RIMS2: variants seen among roughly 807,000 people sequenced by gnomAD.
RIMS2 encodes the protein regulating synaptic membrane exocytosis protein 2.
A neutral mutation model predicts 174.4 loss-of-function variants in RIMS2; 59 were observed. The ratio of observed to expected loss-of-function variants is 0.34; its 90% CI spans 0.27 to 0.42. RIMS2 has a LOEUF of 0.42. Among genes scored for constraint, RIMS2 ranks in the 10% least tolerant of loss-of-function variants. The probability of loss-of-function intolerance (pLI) is 1.00; values close to 1 mark genes in which losing one functional copy is unlikely to be tolerated. For missense variants in RIMS2, 1,620 were observed against 1,666.3 expected (o/e 0.97, Z 0.48); for synonymous variants, 606 against 572.5 (o/e 1.06, Z -0.84).
At chr8:103,801,202 A>G (rs115218116) in intron 3 of RIMS2, among the ~76,000 whole-genome samples, 23,923 of 152,008 alleles carry the variant, frequency 0.16, 1,993 homozygotes, top group Middle Eastern at 0.25. Flanking sequence ...GCCCAGGCTG[A>G]TCATGAACTC....
chr8:104,136,914 T>G (rs1341630684), intron 19 of RIMS2, among the ~76,000 whole-genome samples: 1 of 152,162 alleles, frequency 6.6e-6, no homozygotes, highest in Non-Finnish European at 1.5e-5. Flanking sequence ...AGTTTACCTA[T>G]GTAACAACCT....
chr8:104,098,673 A>T (rs1185487822), intron 19 of RIMS2, among the ~76,000 whole-genome samples: 1 of 152,128 alleles, frequency 6.6e-6, no homozygotes, highest in African/African-American at 2.4e-5. Context: ...TTTCATGAAT[A>T]ACTGATTTTA....
At chr8:104,250,079 A>C (rs1411183934) in intron 22 of RIMS2, among the ~76,000 whole-genome samples, 1 of 152,238 alleles carries the variant, frequency 6.6e-6, no homozygotes, top group Non-Finnish European at 1.5e-5. Flanking sequence ...AAAGAGAGGC[A>C]CTATTATAAC....
chr8:104,114,178 A>T (rs1056620229), intron 19 of RIMS2, among the ~76,000 whole-genome samples: 5 of 152,028 alleles, frequency 3.3e-5, no homozygotes, highest in African/African-American at 1.2e-4. Flanking sequence ...TTTTACTGTT[A>T]TTTTAAAATT....
At chr8:104,234,998 A>G (rs116661616) in intron 19 of RIMS2, among the ~76,000 whole-genome samples, 1,786 of 152,210 alleles carry the variant, frequency 0.012, 35 homozygotes, top group African/African-American at 0.041. Flanking sequence ...ATGCATATGT[A>G]TATTGTAGGG....
intron 19 of RIMS2, among the ~76,000 whole-genome samples, chr8:104,202,899 T>C (rs1425601068): frequency 2.0e-5 from 3 of 152,208 alleles, no homozygotes; most frequent in African/African-American, 7.2e-5. Context: ...TAGGAATAAG[T>C]ATGGAATAAA....
At chr8:104,104,896 A>G (rs1405952336) in intron 19 of RIMS2, among the ~76,000 whole-genome samples, 1 of 151,088 alleles carries the variant, frequency 6.6e-6, no homozygotes, top group Non-Finnish European at 1.5e-5. Context: ...AAAAAAAAAA[A>G]GAGAGAACAT....
chr8:104,031,317 G>A (rs1009995872), intron 19 of RIMS2, among the ~76,000 whole-genome samples: 5 of 151,856 alleles, frequency 3.3e-5, no homozygotes, highest in Admixed American at 6.6e-5. Flanking sequence ...ACAAAGTTTA[G>A]TAAAATGCTT....
intron 2 of RIMS2, among the ~76,000 whole-genome samples, chr8:103,698,417 T>C (rs980398116): frequency 6.6e-6 from 1 of 152,260 alleles, no homozygotes; most frequent in South Asian, 2.1e-4. Context: ...GCTGAGTTTG[T>C]TGTTGTTGTT....
chr8:103,971,435 A>C (rs966460534), intron 15 of RIMS2, among the ~76,000 whole-genome samples: 1 of 152,178 alleles, frequency 6.6e-6, no homozygotes, highest in Non-Finnish European at 1.5e-5. Context: ...ATGTTTAGCA[A>C]CAATCCTAAC....
intron 1 of RIMS2, among the ~76,000 whole-genome samples, chr8:103,656,301 ATGC>A (rs1442260361): frequency 6.6e-6 from 1 of 152,128 alleles, no homozygotes; most frequent in Admixed American, 6.6e-5. Flanking sequence ...AAAATTTAAG[ATGC>A]TTATAATTAT....
intron 19 of RIMS2, among the ~76,000 whole-genome samples, chr8:104,056,220 T>C (rs955835259): frequency 1.1e-4 from 16 of 151,900 alleles, no homozygotes; most frequent in South Asian, 6.2e-4. Flanking sequence ...CTGGCTAACA[T>C]GGTAAAACCC....
intron 3 of RIMS2, among the ~76,000 whole-genome samples, chr8:103,871,910 A>G (rs992760933): frequency 1.3e-5 from 2 of 152,128 alleles, no homozygotes; most frequent in African/African-American, 4.8e-5. Flanking sequence ...TTATTGCTAA[A>G]TGTCAGACCC....
At chr8:103,756,389 T>TG (rs10701214) in intron 2 of RIMS2, among the ~76,000 whole-genome samples, 16,105 of 134,054 alleles carry the variant, frequency 0.12, 1,217 homozygotes, top group African/African-American at 0.22. Flanking sequence ...TTGTTGTTTT[T>TG]GTTTTTTTTT....
intron 3 of RIMS2, among the ~76,000 whole-genome samples, chr8:103,871,220 C>G (rs567537433): frequency 7.8e-4 from 119 of 152,182 alleles, no homozygotes; most frequent in African/African-American, 2.7e-3. Flanking sequence ...ACCAGCCTGA[C>G]CAACATGGTG....
At chr8:104,011,943 T>C (rs150988952) in intron 17 of RIMS2, among the ~76,000 whole-genome samples, 170 of 152,166 alleles carry the variant, frequency 1.1e-3, no homozygotes, top group African/African-American at 3.8e-3. Flanking sequence ...AACACACTTA[T>C]TTGTAAAGAA....
At chr8:104,059,768 T>G (rs2096943666) in intron 19 of RIMS2, among the ~76,000 whole-genome samples, 1 of 152,028 alleles carries the variant, frequency 6.6e-6, no homozygotes, top group South Asian at 2.1e-4. Flanking sequence ...TATTGAGAGT[T>G]TTTAGCATGA....
At position 103,773,898 on chromosome 8, in the gene RIMS2, G is replaced by C. The variant is rs142669885; in HGVS notation, c.698+7361G>C. Among the ~76,000 whole-genome samples, 300 of 150,876 alleles carry C rather than the reference G, an allele frequency of 2.0e-3. 2 individuals are homozygous for C. The highest frequency in any genetic ancestry group is 6.8e-3 in the African/African-American group (278 of 40,980). On this transcript the variant is annotated intron_variant, in intron 3 of 23. Transcript: ENST00000504942. The stretch of plus-strand genomic sequence containing the variant: ...ATAAAACATTTAAAATTGTATAAAC[G>C]TGGGAGGCCGAGGCAGGCAGATCAC...
intron 1 of RIMS2, among the ~76,000 whole-genome samples, chr8:103,579,350 C>T (rs2093465075): frequency 6.6e-6 from 1 of 151,992 alleles, no homozygotes; most frequent in Middle Eastern, 3.2e-3. Flanking sequence ...GGAAAAAATA[C>T]ATGCAAAAAG....
Sources: gnomAD v4.1 joint callset for allele counts (sites outside exome capture counted in the v4.1 genomes callset) on GRCh38, gnomAD v4.1.1 for gene constraint, MANE v1.5 for transcripts, NCBI Gene and HGNC (gene_info 2026-07-23, HGNC 2026-07-21) for gene names.